The following CDH12 variants were observed in gnomAD, a reference collection of about 807,000 sequenced individuals.
The protein encoded by CDH12 is cadherin-12.
A neutral mutation model predicts 74.1 loss-of-function variants in CDH12; 41 were observed. The ratio of observed to expected loss-of-function variants is 0.55; its 90% CI spans 0.43 to 0.72. CDH12 has a LOEUF of 0.72. CDH12 is among the 30% of genes least tolerant of loss of function. The pLI is 0.00. For missense variants in CDH12, 945 were observed against 977.2 expected (o/e 0.97, Z 0.44); for synonymous variants, 399 against 355.0 (o/e 1.12, Z -1.39).
intron 3 of CDH12, among the ~76,000 whole-genome samples, chr5:22,343,472 C>G (rs1227526207): frequency 1.3e-5 from 2 of 152,124 alleles, no homozygotes; most frequent in Non-Finnish European, 2.9e-5. Flanking sequence ...GGCTGGAGTG[C>G]AGTGGCGCGA....
chr5:22,536,362 GA>G lies in CDH12; in HGVS notation c.-522-30999del, dbSNP rs149363716. On this transcript the variant is annotated intron_variant, in intron 1 of 14. Coordinates refer to ENST00000382254, the MANE Select transcript of CDH12 (RefSeq NM_004061.5). ...AATGTAAACAGGTTAAAAGAATGAT[GA>G]AAATGTAGCATGTGCTCCATAAATG... is the stretch of plus-strand genomic sequence containing the variant. Among the ~76,000 whole-genome samples, 1,280 of 152,310 alleles carry G rather than the reference GA, an allele frequency of 8.4e-3. 12 individuals are homozygous for G. Among genetic ancestry groups the G allele is most frequent in the African/African-American group, 0.03 (1,233 of 41,572 alleles).
intron 1 of CDH12, among the ~76,000 whole-genome samples, chr5:22,625,650 G>T (rs889452389): frequency 1.3e-5 from 2 of 152,158 alleles, no homozygotes; most frequent in African/African-American, 2.4e-5. Flanking sequence ...AGGGGATAAG[G>T]CCTGTCCTAT....
chr5:21,760,549 T>C lies in CDH12; in HGVS notation c.1633+9A>G. 7.2e-7 allele frequency: 1 copy of C among 1,386,510 alleles called. No individual in the cohort carries two copies. Among genetic ancestry groups the C allele is most frequent in the African/African-American group, 1.4e-5 (1 of 70,534 alleles). 85.9% of individuals were successfully genotyped at this position (1,386,510 alleles called of 1,614,324 possible). On this transcript the variant is annotated intron_variant, in intron 13 of 14. Coordinates refer to ENST00000382254, the MANE Select transcript of CDH12 (RefSeq NM_004061.5). ...GATAAGAGGTAAATTTTTCTGTAGT[T>C]ACACTTACTTCTGAAGTCACGAACT...
chr5:22,843,121 C>A (rs1246021168), intron 1 of CDH12, among the ~76,000 whole-genome samples: 1 of 151,942 alleles, frequency 6.6e-6, no homozygotes, highest in African/African-American at 2.4e-5. Context: ...ATGAATATAT[C>A]TTGGTGCTGC....
At chr5:21,874,833 A>G (rs1751844522) in intron 6 of CDH12, among the ~76,000 whole-genome samples, 1 of 152,162 alleles carries the variant, frequency 6.6e-6, no homozygotes, top group African/African-American at 2.4e-5. Flanking sequence ...ACTGTTCCTG[A>G]GCCAGCTGAG....
intron 1 of CDH12, among the ~76,000 whole-genome samples, chr5:22,704,777 T>A (rs2126964808): frequency 6.6e-6 from 1 of 152,182 alleles, no homozygotes; most frequent in Non-Finnish European, 1.5e-5. Context: ...AACTATATTA[T>A]CATACGTGTG....
chr5:22,829,242 A>G (rs2126495398), intron 1 of CDH12, among the ~76,000 whole-genome samples: 1 of 152,296 alleles, frequency 6.6e-6, no homozygotes, highest in Admixed American at 6.5e-5. Context: ...AGGACTTGGG[A>G]CAACTTAGTT....
intron 14 of CDH12, 96 bp downstream of exon 14, chr5:21,755,495 T>C: frequency 9.2e-7 from 1 of 1,083,748 alleles, no homozygotes; most frequent in Admixed American, 2.4e-5. Context: ...AAAACTTGTT[T>C]ACATGATAAA....
intron 11 of CDH12, among the ~76,000 whole-genome samples, chr5:21,774,210 C>A (rs368315303): frequency 6.6e-6 from 1 of 152,066 alleles, no homozygotes; most frequent in Non-Finnish European, 1.5e-5. Flanking sequence ...CAGCTGCCAG[C>A]GTGGCTAGGA....
chr5:21,833,012 T>C (rs1579794414), intron 8 of CDH12, among the ~76,000 whole-genome samples: 1 of 64,670 alleles, frequency 1.5e-5, no homozygotes, highest in Non-Finnish European at 2.3e-5. Context: ...TTATATATAA[T>C]ATATGATATA....
chr5:22,487,010 T>C (rs1049310000), intron 2 of CDH12, among the ~76,000 whole-genome samples: 1 of 149,602 alleles, frequency 6.7e-6, no homozygotes, highest in Non-Finnish European at 1.5e-5. Flanking sequence ...TAAGATTAAA[T>C]GCATACTGAG....
At chr5:21,930,289 T>G (rs1351111714) in intron 6 of CDH12, among the ~76,000 whole-genome samples, 4 of 152,186 alleles carry the variant, frequency 2.6e-5, no homozygotes. Flanking sequence ...CATGCCAGAT[T>G]GCAGCACCAC....
At chr5:21,764,642 T>A in intron 12 of CDH12, among the ~76,000 whole-genome samples, 2 of 107,076 alleles carry the variant, frequency 1.9e-5, no homozygotes, top group African/African-American at 3.4e-5. Flanking sequence ...GAGCAAGACT[T>A]CATATCAAGA....
At chr5:22,375,357 A>G (rs182414255) in intron 3 of CDH12, among the ~76,000 whole-genome samples, 3 of 152,256 alleles carry the variant, frequency 2.0e-5, no homozygotes, top group Non-Finnish European at 4.4e-5. Flanking sequence ...AAAGAAATAC[A>G]AGAAAAATAC....
At chr5:22,583,253 A>C (rs893541323) in intron 1 of CDH12, among the ~76,000 whole-genome samples, 1 of 152,198 alleles carries the variant, frequency 6.6e-6, no homozygotes. Context: ...GAAGACATAG[A>C]AACTATGTAT....
rs1193356413 is a variant in CDH12, at chr5:21,882,951, G to A, written c.527-28161C>T. ...CACTACCACTGCTACTGTACTGGCAGGCTCTATAGCCAAGGAAGGCTTCCA... is the reference window on the plus strand; with the variant it reads ...CACTACCACTGCTACTGTACTGGCAAGCTCTATAGCCAAGGAAGGCTTCCA... On this transcript the variant is annotated intron_variant, in intron 6 of 14. Transcript: ENST00000382254. 5.0e-6 allele frequency: 8 copies of A among 1,600,122 alleles called. No individual in the cohort carries two copies. The Admixed American group carries it at 1.3e-4, about 27-fold the overall frequency.
At chr5:22,245,048 G>A (rs938358236) in intron 3 of CDH12, among the ~76,000 whole-genome samples, 4 of 152,170 alleles carry the variant, frequency 2.6e-5, no homozygotes, top group African/African-American at 9.6e-5. Flanking sequence ...CTGCGGCAGA[G>A]CACGCACGAG....
intron 4 of CDH12, 56 bp downstream of exon 4, chr5:22,212,442 A>T (rs1285516411): frequency 2.1e-6 from 1 of 468,950 alleles, no homozygotes; most frequent in African/African-American, 2.1e-5. Flanking sequence ...AGTCAGTTAG[A>T]ACTTTCAATG....
At chr5:22,453,386 A>G (rs1394764076) in intron 2 of CDH12, among the ~76,000 whole-genome samples, 1 of 152,160 alleles carries the variant, frequency 6.6e-6, no homozygotes, top group African/African-American at 2.4e-5. Flanking sequence ...TATACGCACA[A>G]TGGAATGCTA....
Sources: gnomAD v4.1 joint callset for allele counts (sites outside exome capture counted in the v4.1 genomes callset) on GRCh38, gnomAD v4.1.1 for gene constraint, MANE v1.5 for transcripts, NCBI Gene and HGNC (gene_info 2026-07-23, HGNC 2026-07-21) for gene names.